Variants in KYNU observed in about 807,000 individuals in gnomAD.
KYNU encodes kynureninase.
A neutral mutation model predicts 59.2 loss-of-function variants in KYNU; 54 were observed. The observed-to-expected ratio is 0.91, with a 90% CI of 0.73 to 1.14. The LOEUF (loss-of-function observed/expected upper bound fraction) is 1.14, where lower values mean the gene tolerates loss of function less well. Ranked by LOEUF, KYNU falls within the 50% of genes most tolerant of loss-of-function variation. KYNU has a pLI of 0.00. For missense variants in KYNU, 567 were observed against 554.4 expected (o/e 1.02, Z -0.23); for synonymous variants, 177 against 192.0 (o/e 0.92, Z 0.65).
intron 2 of KYNU, among the ~76,000 whole-genome samples, chr2:142,912,067 T>C (rs1370846523): frequency 3.3e-5 from 5 of 152,138 alleles, no homozygotes; most frequent in African/African-American, 4.8e-5. Context: ...CTTCCTAGAA[T>C]GAGTCGGGGA....
intron 4 of KYNU, among the ~76,000 whole-genome samples, chr2:142,934,846 C>T (rs185587908): frequency 2.0e-4 from 30 of 152,252 alleles, no homozygotes; most frequent in Non-Finnish European, 3.8e-4. Flanking sequence ...GTCCAACCTC[C>T]GGTGGGGTCC....
chr2:143,012,238 T>C (rs1478723609), intron 10 of KYNU, among the ~76,000 whole-genome samples: 1 of 151,886 alleles, frequency 6.6e-6, no homozygotes, highest in African/African-American at 2.4e-5. Context: ...TCCCAGCACT[T>C]TGGGAGGCCG....
intron 8 of KYNU, among the ~76,000 whole-genome samples, chr2:142,970,797 T>A (rs1684696514): frequency 6.6e-6 from 1 of 152,210 alleles, no homozygotes; most frequent in Admixed American, 6.5e-5. Flanking sequence ...GAATTATCAG[T>A]ATCATATTTT....
chr2:143,025,902 T>G (rs1431654242), intron 10 of KYNU, among the ~76,000 whole-genome samples: 2 of 152,208 alleles, frequency 1.3e-5, no homozygotes, highest in African/African-American at 2.4e-5. Context: ...TATTTTTAAG[T>G]GATGGATTTT....
chr2:142,906,568 C>T (rs34140211), intron 2 of KYNU, among the ~76,000 whole-genome samples: 20,307 of 151,946 alleles, frequency 0.13, 2,143 homozygotes, highest in African/African-American at 0.29. Context: ...TGCAGCATAG[C>T]GCTTCCTTAG....
At chr2:142,898,345 A>G (rs1409852343) in intron 2 of KYNU, among the ~76,000 whole-genome samples, 2 of 151,934 alleles carry the variant, frequency 1.3e-5, no homozygotes, top group Non-Finnish European at 2.9e-5. Flanking sequence ...CTTCCACAGT[A>G]GCTATTGAGC....
intron 4 of KYNU, chr2:142,953,878 C>T (rs1018080079): frequency 2.0e-5 from 3 of 152,146 alleles, no homozygotes; most frequent in Non-Finnish European, 4.4e-5. Flanking sequence ...CTCTAGTGAA[C>T]TTATCCTGGA....
At chr2:142,917,855 T>C (rs1682718349) in intron 2 of KYNU, among the ~76,000 whole-genome samples, 2 of 152,246 alleles carry the variant, frequency 1.3e-5, no homozygotes, top group African/African-American at 2.4e-5. Flanking sequence ...ACCAACATAG[T>C]ACTTAATGAT....
Position 142,985,243 on chromosome 2 carries a change from A to G in KYNU, c.828+61A>G. On this transcript the variant is annotated intron_variant, in intron 9 of 13. Coordinates refer to ENST00000264170, the MANE Select transcript of KYNU (RefSeq NM_003937.3). ...TCACATTGACTTTAATCTGAAGGAGAAACTGGGTCTGTGGGCCAATTTTAA... is the reference window on the plus strand; with the variant it reads ...TCACATTGACTTTAATCTGAAGGAGGAACTGGGTCTGTGGGCCAATTTTAA... 3 of 1,040,592 alleles carry G rather than the reference A, an allele frequency of 2.9e-6. No homozygotes were observed. The South Asian group carries it at 3.8e-5, about 13-fold the overall frequency. 64.5% of individuals were successfully genotyped at this position (1,040,592 alleles called of 1,614,324 possible).
chr2:143,035,501 G>A (rs1342925216), intron 12 of KYNU, among the ~76,000 whole-genome samples: 2 of 152,146 alleles, frequency 1.3e-5, no homozygotes, highest in South Asian at 2.1e-4. Flanking sequence ...CTGTTAAAAT[G>A]TCTTATTTTC....
At chr2:142,986,330 CTT>C (rs1486664877) in intron 10 of KYNU, among the ~76,000 whole-genome samples, 1 of 151,792 alleles carries the variant, frequency 6.6e-6, no homozygotes, top group African/African-American at 2.4e-5. Flanking sequence ...AAAAATTAGA[CTT>C]TAGAAAATTT....
intron 8 of KYNU, among the ~76,000 whole-genome samples, chr2:142,979,186 T>C (rs1421351950): frequency 6.6e-6 from 1 of 152,192 alleles, no homozygotes; most frequent in Non-Finnish European, 1.5e-5. Context: ...TTTGAACATA[T>C]TCTCAACTAC....
At chr2:142,964,021 A>G (rs1419961721) in intron 8 of KYNU, among the ~76,000 whole-genome samples, 1 of 151,408 alleles carries the variant, frequency 6.6e-6, no homozygotes. Flanking sequence ...GGGATTTTAG[A>G]TGCTCATCTT....
intron 2 of KYNU, among the ~76,000 whole-genome samples, chr2:142,907,870 C>T (rs1682353271): frequency 6.6e-6 from 1 of 152,142 alleles, no homozygotes; most frequent in Non-Finnish European, 1.5e-5. Flanking sequence ...TCTTAGTCAA[C>T]CTAGGAAATC....
chr2:142,918,512 T>TA, intron 2 of KYNU, 97 bp from the exon 3 acceptor site: 1 of 1,287,762 alleles, frequency 7.8e-7, no homozygotes, highest in Non-Finnish European at 1.1e-6. Flanking sequence ...TTATCCTTCT[T>TA]AGAGTTGATT....
intron 1 of KYNU, among the ~76,000 whole-genome samples, chr2:142,880,463 A>G (rs1681256155): frequency 6.6e-6 from 1 of 152,166 alleles, no homozygotes; most frequent in South Asian, 2.1e-4. Flanking sequence ...TTGCTGCTGG[A>G]ATCACTTCAT....
At chr2:143,026,231 C>A (rs1479717227) in intron 10 of KYNU, among the ~76,000 whole-genome samples, 2 of 152,076 alleles carry the variant, frequency 1.3e-5, no homozygotes, top group South Asian at 2.1e-4. Context: ...TATATATATT[C>A]TTTTAAATAG....
chr2:142,975,995 G>A lies in KYNU; in HGVS notation c.730-9089G>A, dbSNP rs921149574. Among the ~76,000 whole-genome samples, 6 of 152,088 alleles carry A rather than the reference G, an allele frequency of 3.9e-5. No homozygotes were observed. The East Asian group carries it at 5.8e-4, about 15-fold the overall frequency. ...TCTTCAAAATTAATGTCACAGGTGC[G>A]ACTAGCTGGGGCTCGTCATGGGTGG... On this transcript the variant is annotated intron_variant, in intron 8 of 13. Coordinates refer to ENST00000264170, the MANE Select transcript of KYNU (RefSeq NM_003937.3).
chr2:143,054,100 C>G lies in KYNU; in HGVS notation c.*11928C>G, dbSNP rs1305849626. ...AGTAGAAATAACACTGGTTTTTTCC[C>G]TATGTCCTTACAACCACCAATTGGA... On this transcript the variant is annotated 3_prime_UTR_variant, in exon 14 of 14. Coordinates refer to ENST00000264170, the MANE Select transcript of KYNU (RefSeq NM_003937.3). 1 of 152,072 alleles carries G rather than the reference C, an allele frequency of 6.6e-6. No homozygotes were observed. Among genetic ancestry groups the G allele is most frequent in the African/African-American group, 2.4e-5 (1 of 41,418 alleles). The allele number at this position is 152,072 out of a possible 1,614,324, so 9.4% of individuals were successfully genotyped here. A position where few individuals can be genotyped will look rare whatever the true frequency, so the allele number is the denominator to read the frequency against.
Sources: gnomAD v4.1 joint callset for allele counts (sites outside exome capture counted in the v4.1 genomes callset) on GRCh38, gnomAD v4.1.1 for gene constraint, MANE v1.5 for transcripts, NCBI Gene and HGNC (gene_info 2026-07-23, HGNC 2026-07-21) for gene names.